Variants in GPHN observed in about 807,000 individuals in gnomAD.
GPHN encodes gephyrin.
In GPHN, 17 loss-of-function variants were observed where a neutral mutation model predicts 95.5. The ratio of observed to expected loss-of-function variants is 0.18; its 90% CI spans 0.12 to 0.27. GPHN has a LOEUF of 0.27. Ranked by LOEUF, GPHN falls within the 10% of genes least tolerant of loss-of-function variation. The pLI, the probability that GPHN is intolerant of heterozygous loss-of-function variation, is 1.00. For synonymous variants in GPHN, 320 were observed against 322.5 expected (o/e 0.99, Z 0.08); for missense variants, 660 against 978.1 (o/e 0.67, Z 4.34).
At chr14:67,050,767 C>A (rs1013843606) in intron 10 of GPHN, among the ~76,000 whole-genome samples, 1 of 152,026 alleles carries the variant, frequency 6.6e-6, no homozygotes, top group Non-Finnish European at 1.5e-5. Context: ...ATGCCAGCAA[C>A]TTGAGGTATC....
At chr14:67,657,729 G>A in the GPHN span, among the ~76,000 whole-genome samples, 1 of 151,118 alleles carries the variant, frequency 6.6e-6, no homozygotes, top group African/African-American at 2.4e-5. Context: ...AACAGAAGTA[G>A]CAAGGAGCAT....
At chr14:66,999,293 T>A (rs1048765149) in intron 9 of GPHN, among the ~76,000 whole-genome samples, 2 of 151,902 alleles carry the variant, frequency 1.3e-5, no homozygotes, top group African/African-American at 4.8e-5. Flanking sequence ...ATACAAAACG[T>A]TAGTAGTGTG....
chr14:67,393,011 C>A, the GPHN span: 1 of 870,518 alleles, frequency 1.1e-6, no homozygotes, highest in Non-Finnish European at 1.9e-6. Context: ...GCTGCACACC[C>A]ACACATGGCC....
At chr14:66,994,100 T>C (rs1490923670) in intron 9 of GPHN, among the ~76,000 whole-genome samples, 1 of 152,176 alleles carries the variant, frequency 6.6e-6, no homozygotes, top group Non-Finnish European at 1.5e-5. Flanking sequence ...GCGCAGTGGC[T>C]CACGCCTGTA....
chr14:66,565,524 T>G (rs573154188), intron 1 of GPHN, among the ~76,000 whole-genome samples: 1 of 152,280 alleles, frequency 6.6e-6, no homozygotes, highest in East Asian at 1.9e-4. Flanking sequence ...GGTCTTGAAC[T>G]CTTGGGCTCA....
intron 8 of GPHN, among the ~76,000 whole-genome samples, chr14:66,927,821 T>C (rs536320555): frequency 6.6e-6 from 1 of 152,326 alleles, no homozygotes; most frequent in South Asian, 2.1e-4. Flanking sequence ...ATTCATTCTG[T>C]AGATATGATG....
intron 2 of GPHN, among the ~76,000 whole-genome samples, chr14:66,775,595 T>C (rs1015814329): frequency 2.0e-4 from 31 of 152,232 alleles, no homozygotes; most frequent in African/African-American, 7.5e-4. Flanking sequence ...TTTTACACTT[T>C]TGTACATCTC....
the GPHN span, among the ~76,000 whole-genome samples, chr14:67,673,605 T>C: frequency 6.6e-6 from 1 of 152,252 alleles, no homozygotes; most frequent in Non-Finnish European, 1.5e-5. Flanking sequence ...ATGAATTTCA[T>C]TCTCACCAGT....
chr14:66,683,350 A>G lies in GPHN; in HGVS notation c.143+2165A>G, dbSNP rs76942869. 1.2e-3 allele frequency among the ~76,000 whole-genome samples: 30 copies of G among 24,502 alleles called. 1 individual carries two copies. The highest frequency in any genetic ancestry group is 4.5e-3 in the African/African-American group (29 of 6,454). The allele number at this position is 24,502 out of a possible 152,430, so 16.1% of individuals were successfully genotyped here. On this transcript the variant is annotated intron_variant, in intron 2 of 22. Transcript: ENST00000478722. ...TGGAAATATATATATATATATATATATATATATATATATATATATATATAT... is the reference window on the plus strand; with the variant it reads ...TGGAAATATATATATATATATATATGTATATATATATATATATATATATAT...
In GPHN at chr14:67,089,066, G is replaced by A. The variant is rs1301453081; in HGVS notation, c.1228G>A (p.Ala410Thr). 1 of 1,526,226 alleles carries A rather than the reference G, an allele frequency of 6.6e-7. No homozygotes were observed. The highest frequency in any genetic ancestry group is 1.7e-5 in the Admixed American group (1 of 59,624). The allele number at this position is 1,526,226 out of a possible 1,614,324, so 94.5% of individuals were successfully genotyped here. Residue 410 changes from alanine (A) to threonine (T), a missense_variant, in exon 12 of 23, where the codon GCT becomes ACT. By Grantham distance (58) the Ala-to-Thr change is moderately conservative (BLOSUM62 0). Coordinates refer to ENST00000478722, the MANE Select transcript of GPHN (RefSeq NM_020806.5). ...PFPASVKDGY[A>T]VRAADGPGDR... ...CCCAGCATCAGTAAAAGATGGCTAT[G>A]CTGTCCGAGGTAAATATTTTGGTTT... is the stretch of plus-strand genomic sequence containing the variant.
the GPHN span, among the ~76,000 whole-genome samples, chr14:67,247,417 G>A: frequency 3.3e-5 from 5 of 151,944 alleles, no homozygotes; most frequent in African/African-American, 1.2e-4. Context: ...TTTTATTTTA[G>A]TAATTTTTTT....
the GPHN span, among the ~76,000 whole-genome samples, chr14:67,206,446 A>G: frequency 2.0e-5 from 3 of 152,138 alleles, no homozygotes; most frequent in Non-Finnish European, 2.9e-5. Context: ...CAGTGAGCCA[A>G]GATTGTGCCA....
intron 10 of GPHN, among the ~76,000 whole-genome samples, chr14:67,056,903 C>T (rs187096174): frequency 2.8e-4 from 43 of 152,300 alleles, no homozygotes; most frequent in Non-Finnish European, 3.8e-4. Context: ...CGAGCGGGCG[C>T]TCGCGGGTCG....
chr14:67,506,610 G>A, the GPHN span, among the ~76,000 whole-genome samples: 1 of 152,188 alleles, frequency 6.6e-6, no homozygotes, highest in African/African-American at 2.4e-5. Flanking sequence ...GGTGGGTTCA[G>A]TGGGAACTCA....
intron 10 of GPHN, among the ~76,000 whole-genome samples, chr14:67,055,731 T>C (rs773567255): frequency 6.6e-5 from 10 of 152,238 alleles, no homozygotes; most frequent in Non-Finnish European, 1.5e-4. Flanking sequence ...TTGGTCTCGC[T>C]GACTTCAAGA....
chr14:67,730,258 G>A, the GPHN span, among the ~76,000 whole-genome samples: 5 of 151,850 alleles, frequency 3.3e-5, no homozygotes, highest in African/African-American at 7.3e-5. Flanking sequence ...TGGGATTTAC[G>A]CCCTGGCAAT....
At chr14:66,525,375 G>A (rs1471687663) in intron 1 of GPHN, among the ~76,000 whole-genome samples, 2 of 152,060 alleles carry the variant, frequency 1.3e-5, no homozygotes, top group African/African-American at 4.8e-5. Flanking sequence ...TAAGTTCTTT[G>A]TAGATTCTGG....
At chr14:66,767,782 T>A (rs899645452) in intron 2 of GPHN, among the ~76,000 whole-genome samples, 2 of 151,896 alleles carry the variant, frequency 1.3e-5, no homozygotes, top group Non-Finnish European at 2.9e-5. Context: ...TTATAATAAA[T>A]TATATCACTG....
chr14:66,527,729 G>A (rs1302961061), intron 1 of GPHN, among the ~76,000 whole-genome samples: 1 of 152,146 alleles, frequency 6.6e-6, no homozygotes, highest in Admixed American at 6.5e-5. Flanking sequence ...TATTTACCCA[G>A]TAGTCATTCA....
Sources: allele counts gnomAD v4.1 joint callset (sites outside exome capture counted in the v4.1 genomes callset), GRCh38; gene constraint gnomAD v4.1.1; transcripts MANE v1.5; gene names NCBI Gene and HGNC (gene_info 2026-07-23, HGNC 2026-07-21).